The following PTPRD variants were observed in gnomAD, a reference collection of about 807,000 sequenced individuals.
PTPRD encodes the protein protein tyrosine phosphatase receptor type D, also known as receptor-type tyrosine-protein phosphatase delta.
PTPRD carries 34 observed loss-of-function variants against 214.5 expected under a neutral mutation model. That is an observed-to-expected ratio of 0.16 (90% confidence interval 0.12 to 0.21). The LOEUF is 0.21. PTPRD is among the 10% of genes least tolerant of loss of function. The pLI is 1.00. For synonymous variants in PTPRD, 1,128 were observed against 845.7 expected (o/e 1.33, Z -5.79); for missense variants, 2,545 against 2,398.7 (o/e 1.06, Z -1.27).
chr9:8,636,613 C>G (rs1177063272), intron 13 of PTPRD, 86 bp downstream of exon 13: 1 of 1,480,556 alleles, frequency 6.8e-7, no homozygotes, highest in East Asian at 2.3e-5. Context: ...CACCTTTTAT[C>G]AGAGTAAAGC....
intron 3 of PTPRD, among the ~76,000 whole-genome samples, chr9:10,256,064 T>C (rs563281723): frequency 1.3e-5 from 2 of 152,312 alleles, no homozygotes; most frequent in African/African-American, 4.8e-5. Context: ...GTAAACTGCA[T>C]ATGTGAGGAG....
At chr9:9,810,381 C>T (rs937172211) in intron 5 of PTPRD, among the ~76,000 whole-genome samples, 2 of 152,038 alleles carry the variant, frequency 1.3e-5, no homozygotes, top group African/African-American at 4.8e-5. Context: ...GGCTTCAAAG[C>T]TTCAAAGGAC....
chr9:9,759,802 C>T (rs933785532), intron 6 of PTPRD, among the ~76,000 whole-genome samples: 1 of 152,010 alleles, frequency 6.6e-6, no homozygotes. Flanking sequence ...TGTGATTCCC[C>T]TGCCTCGGGC....
Position 10,099,657 on chromosome 9 carries a change from A to G in PTPRD, c.-544-65867T>C, listed in dbSNP as rs548216047. On this transcript the variant is annotated intron_variant, in intron 3 of 45. Coordinates refer to ENST00000381196, the MANE Select transcript of PTPRD (RefSeq NM_002839.4). The stretch of plus-strand genomic sequence containing the variant: ...CATCCTAAGCAATGAGGTAGCAACA[A>G]TGAAGGCCAAGTTAAAATGATCTCA... Among the ~76,000 whole-genome samples, 123 of 151,898 alleles carry G rather than the reference A, an allele frequency of 8.1e-4. 1 individual carries two copies. The highest frequency in any genetic ancestry group is 2.8e-3 in the African/African-American group (117 of 41,506).
chr9:10,466,518 G>GA (rs1335099283), intron 2 of PTPRD, among the ~76,000 whole-genome samples: 1 of 150,922 alleles, frequency 6.6e-6, no homozygotes, highest in African/African-American at 2.4e-5. Flanking sequence ...AGCTACTCGG[G>GA]AGGCTGAGGC....
intron 4 of PTPRD, among the ~76,000 whole-genome samples, chr9:9,975,051 C>A (rs929755055): frequency 3.3e-4 from 48 of 144,448 alleles, no homozygotes; most frequent in African/African-American, 1.2e-3. Context: ...AGGAGAAGGT[C>A]GTATCACAAT....
chr9:8,451,250 T>A (rs546171049), intron 33 of PTPRD, among the ~76,000 whole-genome samples: 1 of 152,200 alleles, frequency 6.6e-6, no homozygotes, highest in Non-Finnish European at 1.5e-5. Context: ...CTATTAGACA[T>A]GTTGCTTTCT....
intron 7 of PTPRD, among the ~76,000 whole-genome samples, chr9:9,592,823 T>A (rs961005568): frequency 2.0e-5 from 3 of 152,024 alleles, no homozygotes; most frequent in African/African-American, 4.8e-5. Flanking sequence ...GGTGGGTGGA[T>A]AACCTGAGGT....
rs16928225 is a variant in PTPRD at position 8,631,994 on chromosome 9, T to C, written c.352+1323A>G. Among the ~76,000 whole-genome samples the C allele has an allele frequency of 6.1e-3, 925 of 152,004 alleles. 7 individuals carry two copies. Among genetic ancestry groups the C allele is most frequent in the East Asian group, 0.047 (244 of 5,154 alleles). On this transcript the variant is annotated intron_variant, in intron 14 of 45. Coordinates refer to ENST00000381196, the MANE Select transcript of PTPRD (RefSeq NM_002839.4). ...TTTAAAGCAGCATCTGTTACATGCATTTAAAAGATATACATCCAATTGTCA... is the reference window on the plus strand; with the variant it reads ...TTTAAAGCAGCATCTGTTACATGCACTTAAAAGATATACATCCAATTGTCA...
chr9:8,803,143 A>G (rs911589480), intron 11 of PTPRD, among the ~76,000 whole-genome samples: 19 of 152,314 alleles, frequency 1.2e-4, no homozygotes, highest in Admixed American at 1.1e-3. Flanking sequence ...AAGATAACGC[A>G]TGTAAAGCAA....
intron 11 of PTPRD, among the ~76,000 whole-genome samples, chr9:8,819,519 G>C (rs1414657449): frequency 4.6e-5 from 7 of 152,114 alleles, no homozygotes; most frequent in Admixed American, 3.9e-4. Flanking sequence ...AAATTAACCA[G>C]GCGAGGTGGC....
At chr9:9,413,183 C>G (rs1168553035) in intron 8 of PTPRD, among the ~76,000 whole-genome samples, 1 of 125,900 alleles carries the variant, frequency 7.9e-6, no homozygotes, top group Non-Finnish European at 1.6e-5. Flanking sequence ...GGCGCAATCT[C>G]GGCTCACTGC....
At chr9:9,370,045 G>A (rs2059021534) in intron 9 of PTPRD, among the ~76,000 whole-genome samples, 1 of 152,146 alleles carries the variant, frequency 6.6e-6, no homozygotes, top group African/African-American at 2.4e-5. Context: ...CAGGTAGCGT[G>A]ATGCCTCCAG....
At chr9:9,443,243 A>C (rs2088945892) in intron 8 of PTPRD, among the ~76,000 whole-genome samples, 1 of 106,436 alleles carries the variant, frequency 9.4e-6, no homozygotes, top group Admixed American at 8.6e-5. Context: ...ATCATATGGC[A>C]TAAATAAATA....
chr9:8,608,208 G>A (rs62530709), intron 14 of PTPRD, among the ~76,000 whole-genome samples: 15,927 of 151,540 alleles, frequency 0.11, 876 homozygotes, highest in East Asian at 0.17. Flanking sequence ...CTATTAACCC[G>A]GATAATACAA....
chr9:9,042,614 CTTTTCT>C lies in PTPRD; in HGVS notation c.-142-23885_-142-23880del, dbSNP rs1484773124. 8.7e-4 allele frequency among the ~76,000 whole-genome samples: 98 copies of C among 112,438 alleles called. 2 individuals carry two copies. Among genetic ancestry groups the C allele is most frequent in the East Asian group, 5.1e-3 (20 of 3,888 alleles). The allele number at this position is 112,438 out of a possible 152,430, so 73.8% of individuals were successfully genotyped here. A position where few individuals can be genotyped will look rare whatever the true frequency, so the allele number is the denominator to read the frequency against. On this transcript the variant is annotated intron_variant, in intron 10 of 45. Transcript: ENST00000381196. The stretch of plus-strand genomic sequence containing the variant: ...CCACTTAGCATTTTTTCTTTTTTTT[CTTTTCT>C]TTTTTTTTTTTTTTGGTCTATTCAA...
chr9:8,766,522 G>A (rs1391457009), intron 11 of PTPRD, among the ~76,000 whole-genome samples: 1 of 152,092 alleles, frequency 6.6e-6, no homozygotes, highest in African/African-American at 2.4e-5. Context: ...CTATCAAATA[G>A]AAAATTAATA....
chr9:9,835,720 C>T (rs1430036282), intron 5 of PTPRD, among the ~76,000 whole-genome samples: 13 of 152,066 alleles, frequency 8.5e-5, no homozygotes, highest in Admixed American at 8.5e-4. Flanking sequence ...CTACTTCATT[C>T]TGAAGGTCAG....
intron 30 of PTPRD, among the ~76,000 whole-genome samples, chr9:8,481,961 T>G (rs2096896213): frequency 6.6e-6 from 1 of 152,010 alleles, no homozygotes; most frequent in African/African-American, 2.4e-5. Context: ...TGTTGTATTT[T>G]CAGTAGAGAC....
Sources: gnomAD v4.1 joint callset for allele counts (sites outside exome capture counted in the v4.1 genomes callset) on GRCh38, gnomAD v4.1.1 for gene constraint, MANE v1.5 for transcripts, NCBI Gene and HGNC (gene_info 2026-07-23, HGNC 2026-07-21) for gene names.